The following DMXL1 variants were observed in gnomAD, a reference collection of about 807,000 sequenced individuals.
DMXL1 encodes dmX-like protein 1.
Under a neutral mutation model 319.2 loss-of-function variants are expected in DMXL1, and 99 were observed. The ratio of observed to expected loss-of-function variants is 0.31; its 90% CI spans 0.26 to 0.37. The LOEUF (loss-of-function observed/expected upper bound fraction) is 0.37. Among genes scored for constraint, DMXL1 ranks in the 10% least tolerant of loss-of-function variants. The pLI, the probability that DMXL1 is intolerant of heterozygous loss-of-function variation, is 1.00. For missense variants in DMXL1, 3,745 were observed against 3,595.6 expected (o/e 1.04, Z -1.06); for synonymous variants, 1,385 against 1,235.2 (o/e 1.12, Z -2.54).
chr5:119,145,369 G>T lies in DMXL1; in HGVS notation c.2569+731G>T, dbSNP rs990615562. ...CCTTAGAGTTCTGCACTTTTATGTT[G>T]ACATCTAATTTCTTACCATTGCTTT... is the stretch of plus-strand genomic sequence containing the variant. On this transcript the variant is annotated intron_variant, in intron 15 of 43. Transcript: ENST00000539542. Among the ~76,000 whole-genome samples, 76 of 151,390 alleles carry T rather than the reference G, an allele frequency of 5.0e-4. 3 individuals are homozygous for T.
intron 38 of DMXL1, among the ~76,000 whole-genome samples, chr5:119,231,674 C>G (rs1235152857): frequency 6.6e-6 from 1 of 152,122 alleles, no homozygotes; most frequent in Non-Finnish European, 1.5e-5. Context: ...CTGGGCAACA[C>G]CAGACCAGAA....
At chr5:119,200,107 G>T (rs1336880086) in intron 32 of DMXL1, among the ~76,000 whole-genome samples, 1 of 152,078 alleles carries the variant, frequency 6.6e-6, no homozygotes, top group Non-Finnish European at 1.5e-5. Context: ...TTTTGCTTTT[G>T]TTGAAATTCC....
chr5:119,168,392 T>G (rs1005249951), intron 23 of DMXL1, among the ~76,000 whole-genome samples: 2 of 152,304 alleles, frequency 1.3e-5, no homozygotes, highest in South Asian at 2.1e-4. Flanking sequence ...CAGTATAAAA[T>G]GGAATTTTTT....
chr5:119,247,081 A>T lies in DMXL1; in HGVS notation c.9009A>T (p.Gly3003=). Residue 3003 remains glycine (G), a synonymous_variant, in exon 44 of 44, where the codon GGA becomes GGT. Coordinates refer to ENST00000539542, the MANE Select transcript of DMXL1 (RefSeq NM_001290321.3). ...CCATTTTTAGAAATATTGGAACTGGAGTGATGCAAATTGAGACAGGGCCTG... is the reference window on the plus strand; with the variant it reads ...CCATTTTTAGAAATATTGGAACTGGTGTGATGCAAATTGAGACAGGGCCTG... ...RQSIFRNIGT[G]VMQIETGPAN... 1 of 1,614,100 alleles carries T rather than the reference A, an allele frequency of 6.2e-7. No homozygotes were observed. Among genetic ancestry groups the T allele is most frequent in the South Asian group, 1.1e-5 (1 of 91,080 alleles).
At chr5:119,221,808 T>C (rs1784693826) in intron 37 of DMXL1, among the ~76,000 whole-genome samples, 1 of 149,146 alleles carries the variant, frequency 6.7e-6, no homozygotes, top group Non-Finnish European at 1.5e-5. Context: ...ACAAAAACAA[T>C]ATATAATTTC....
chr5:119,119,123 T>A (rs1761475222), intron 8 of DMXL1, 119 bp downstream of exon 8: 2 of 670,680 alleles, frequency 3.0e-6, no homozygotes, highest in Non-Finnish European at 4.6e-6. Context: ...CTTAGAAAAT[T>A]TTCAGTTCTA....
chr5:119,166,566 T>C, intron 21 of DMXL1, 50 bp from the exon 22 acceptor site: 1 of 1,521,328 alleles, frequency 6.6e-7, no homozygotes, highest in Non-Finnish European at 8.9e-7. Flanking sequence ...GATTCTGATG[T>C]AAAGAAAATT....
At chr5:119,132,980 A>G (rs1190923728) in intron 10 of DMXL1, 152 bp from the exon 11 acceptor site, 18 of 687,374 alleles carry the variant, frequency 2.6e-5, no homozygotes, top group Non-Finnish European at 4.4e-5. Context: ...AGAGATGTGT[A>G]GGGTGAGGTG....
At chr5:119,173,294 C>T (rs1467647179) in intron 25 of DMXL1, among the ~76,000 whole-genome samples, 2 of 150,998 alleles carry the variant, frequency 1.3e-5, no homozygotes, top group African/African-American at 2.4e-5. Context: ...GAGCCAAGAT[C>T]GCACCATTAC....
intron 34 of DMXL1, among the ~76,000 whole-genome samples, chr5:119,215,832 C>T (rs1033999253): frequency 6.6e-6 from 1 of 152,008 alleles, no homozygotes; most frequent in East Asian, 1.9e-4. Context: ...TGTGGTGGCT[C>T]ACGCCCATAA....
intron 13 of DMXL1, among the ~76,000 whole-genome samples, chr5:119,142,618 A>G (rs1034131354): frequency 6.6e-6 from 1 of 152,070 alleles, no homozygotes; most frequent in African/African-American, 2.4e-5. Context: ...CGTTGTGGAA[A>G]GCAGTACTGT....
At chr5:119,209,750 A>G (rs1301503128) in intron 34 of DMXL1, among the ~76,000 whole-genome samples, 1 of 152,142 alleles carries the variant, frequency 6.6e-6, no homozygotes, top group Non-Finnish European at 1.5e-5. Context: ...AATTTGCATC[A>G]AGCATCTTAT....
intron 8 of DMXL1, among the ~76,000 whole-genome samples, chr5:119,119,229 A>C (rs1292465492): frequency 1.3e-5 from 2 of 152,228 alleles, no homozygotes; most frequent in African/African-American, 4.8e-5. Flanking sequence ...ATGATGATAA[A>C]AGGATGATTA....
chr5:119,079,521 A>G (rs943371152), intron 1 of DMXL1, among the ~76,000 whole-genome samples: 7 of 152,172 alleles, frequency 4.6e-5, no homozygotes, highest in Non-Finnish European at 7.3e-5. Flanking sequence ...TTTGACTTCA[A>G]AGTCCTTGAA....
chr5:119,206,996 T>C, intron 34 of DMXL1, 100 bp downstream of exon 34: 1 of 660,816 alleles, frequency 1.5e-6, no homozygotes, highest in Non-Finnish European at 2.5e-6. Context: ...TTCCAATGGA[T>C]TTAAAGTATT....
At chr5:119,226,856 A>C (rs1284741215) in intron 38 of DMXL1, among the ~76,000 whole-genome samples, 1 of 152,232 alleles carries the variant, frequency 6.6e-6, no homozygotes, top group Non-Finnish European at 1.5e-5. Flanking sequence ...TAAAAGAAAC[A>C]GATGAAAAGT....
At chr5:119,208,367 C>T (rs1024661521) in intron 34 of DMXL1, among the ~76,000 whole-genome samples, 1 of 152,012 alleles carries the variant, frequency 6.6e-6, no homozygotes, top group Admixed American at 6.6e-5. Flanking sequence ...GCATGGGCCA[C>T]CACATCCAGC....
At chr5:119,153,191 A>G (rs967001594) in intron 19 of DMXL1, among the ~76,000 whole-genome samples, 9 of 152,044 alleles carry the variant, frequency 5.9e-5, no homozygotes, top group Non-Finnish European at 1.3e-4. Context: ...TGGCCAGGCT[A>G]GTCTTGAACT....
chr5:119,165,862 G>GA (rs1414447719), intron 21 of DMXL1, among the ~76,000 whole-genome samples: 21 of 152,206 alleles, frequency 1.4e-4, no homozygotes, highest in Non-Finnish European at 2.6e-4. Flanking sequence ...CAGCACTTGG[G>GA]AATTCAAGAT....
Sources: allele counts gnomAD v4.1 joint callset (sites outside exome capture counted in the v4.1 genomes callset), GRCh38; gene constraint gnomAD v4.1.1; transcripts MANE v1.5; gene names NCBI Gene and HGNC (gene_info 2026-07-23, HGNC 2026-07-21).